KIF13A: variants seen among roughly 807,000 people sequenced by gnomAD.
KIF13A encodes kinesin-like protein KIF13A.
KIF13A carries 79 observed loss-of-function variants against 212.2 expected under a neutral mutation model. The observed-to-expected ratio is 0.37, with a 90% CI of 0.31 to 0.45. The LOEUF (loss-of-function observed/expected upper bound fraction) is 0.45, where lower values mean the gene tolerates loss of function less well. Ranked by LOEUF, KIF13A falls within the 20% of genes least tolerant of loss-of-function variation. The probability of loss-of-function intolerance (pLI) is 1.00; values close to 1 mark genes in which losing one functional copy is unlikely to be tolerated. For missense variants in KIF13A, 1,901 were observed against 2,209.0 expected (o/e 0.86, Z 2.79); for synonymous variants, 789 against 808.6 (o/e 0.98, Z 0.41).
intron 4 of KIF13A, among the ~76,000 whole-genome samples, chr6:17,868,479 G>T (rs555726582): frequency 7.9e-5 from 12 of 151,668 alleles, no homozygotes; most frequent in Non-Finnish European, 1.5e-4. Flanking sequence ...ATGTATATAT[G>T]AAGTTCGGGA....
rs147961143 is a variant in KIF13A, at chr6:17,937,701, C to T, written c.147-39521G>A. Among the ~76,000 whole-genome samples the T allele has an allele frequency of 8.6e-5, 13 of 152,000 alleles. No homozygotes were observed. The East Asian group carries it at 1.9e-3, about 23-fold the overall frequency. On this transcript the variant is annotated intron_variant, in intron 2 of 38. Coordinates refer to ENST00000259711, the MANE Select transcript of KIF13A (RefSeq NM_022113.6). ...GAATGTACAAGAACCTAGACTGGGA[C>T]CACAGGTGCAAGCCACCATGCCCAG...
rs550802647 is a variant in KIF13A at position 17,909,406 on chromosome 6, C to T, written c.147-11226G>A. On this transcript the variant is annotated intron_variant, in intron 2 of 38. Coordinates refer to ENST00000259711, the MANE Select transcript of KIF13A (RefSeq NM_022113.6). Reference sequence around the variant, plus strand: ...CAAAAATTAGCCGGGTGTGGTGGCGCGTGCCTGTAGATCCAGCTACTTGGG... The same window carrying T: ...CAAAAATTAGCCGGGTGTGGTGGCGTGTGCCTGTAGATCCAGCTACTTGGG... 1.4e-3 allele frequency among the ~76,000 whole-genome samples: 218 copies of T among 151,722 alleles called. 1 individual carries two copies. Among genetic ancestry groups the T allele is most frequent in the African/African-American group, 5.1e-3 (209 of 41,358 alleles).
At chr6:17,894,668 T>C (rs1469329769) in intron 3 of KIF13A, among the ~76,000 whole-genome samples, 1 of 152,196 alleles carries the variant, frequency 6.6e-6, no homozygotes, top group Non-Finnish European at 1.5e-5. Flanking sequence ...GAACCAATAT[T>C]GATACATTAT....
At position 17,843,377 on chromosome 6, in the gene KIF13A, G is replaced by A. The variant is rs545242983; in HGVS notation, c.831-5794C>T. Among the ~76,000 whole-genome samples, 8 of 152,236 alleles carry A rather than the reference G, an allele frequency of 5.3e-5. No individual in the cohort carries two copies. Among genetic ancestry groups the A allele is most frequent in the African/African-American group, 1.4e-4 (6 of 41,508 alleles). On this transcript the variant is annotated intron_variant, in intron 9 of 38. Transcript: ENST00000259711. This position sits in a 1 kb window ranked among gnomAD's most constrained non-coding sequence, Gnocchi z 5.3. ...TTTCCAAAGTCCTCTCTGCAGCTTC[G>A]GGTAGCCATTAAACACAGTTCTGGC...
intron 2 of KIF13A, chr6:17,950,951 T>TAA (rs1561795517): frequency 1.0e-6 from 1 of 972,192 alleles, no homozygotes; most frequent in African/African-American, 1.8e-5. Context: ...TTTTAAAACT[T>TAA]TCTTAATTTT....
rs779728332 is a variant in KIF13A, at chr6:17,764,515, T to C, written c.5013A>G (p.Glu1671=). Residue 1671 remains glutamate, a synonymous_variant, in exon 39 of 39, where the codon GAA becomes GAG. Coordinates refer to ENST00000259711, the MANE Select transcript of KIF13A (RefSeq NM_022113.6). This position sits in a 1 kb window ranked among gnomAD's most constrained non-coding sequence, Gnocchi z 5.1. ...KDKIIVVPLK[E]NSALAKGSPS... ...GGCTCCCTTTGGCTAAGGCACTGTT[T>C]TCCTTGAGTGGCACCACAATTATCT... The C allele has an allele frequency of 6.2e-7, 1 of 1,614,018 alleles. No homozygotes were observed. The highest frequency in any genetic ancestry group is 1.1e-5 in the South Asian group (1 of 91,082).
intron 38 of KIF13A, chr6:17,770,389 A>ATT (rs1759396223): frequency 1.1e-5 from 1 of 88,136 alleles, no homozygotes; most frequent in African/African-American, 3.2e-5. Flanking sequence ...TTTTTTGTAA[A>ATT]TTGAGGTATA....
In KIF13A at chr6:17,898,109, A is replaced by C; in HGVS notation, c.159+59T>G. 6.5e-7 allele frequency: 1 copy of C among 1,541,244 alleles called. No homozygotes were observed. The highest frequency in any genetic ancestry group is 8.9e-7 in the Non-Finnish European group (1 of 1,117,774). On this transcript the variant is annotated intron_variant, in intron 3 of 38. Coordinates refer to ENST00000259711, the MANE Select transcript of KIF13A (RefSeq NM_022113.6). The surrounding 1 kb of genome is among the most constrained non-coding windows in gnomAD (Gnocchi z 5.2). The stretch of plus-strand genomic sequence containing the variant: ...ATGTTCTACATGGGTTACAGTGATA[A>C]ATCCTGGATTTTTGCACACTAAGCC...
chr6:17,951,206 G>A lies in KIF13A; in HGVS notation c.146+35848C>T, dbSNP rs934783467. ...GTCTGGCTCTGTCACCCAGGCTGGC[G>A]TGCAGTGGCTCAAACAGCTCACTGG... On this transcript the variant is annotated intron_variant, in intron 2 of 38. Transcript: ENST00000259711. The surrounding 1 kb of genome is among the most constrained non-coding windows in gnomAD (Gnocchi z 4.9). 3.6e-5 allele frequency: 41 copies of A among 1,138,114 alleles called. No homozygotes were observed. In the Middle Eastern group the frequency reaches 1.3e-3, roughly 37 times the overall value. 70.5% of individuals were successfully genotyped at this position (1,138,114 alleles called of 1,614,324 possible).
Position 17,792,320 on chromosome 6 carries a change from G to A in KIF13A, c.3222+1929C>T, listed in dbSNP as rs1437579421. 5.9e-5 allele frequency among the ~76,000 whole-genome samples: 9 copies of A among 151,750 alleles called. No individual in the cohort carries two copies. In the East Asian group the frequency reaches 7.7e-4, roughly 13 times the overall value. On this transcript the variant is annotated intron_variant, in intron 25 of 38. Coordinates refer to ENST00000259711, the MANE Select transcript of KIF13A (RefSeq NM_022113.6). ...AGGTCACAGTTTGGAGCACACAGCC[G>A]ATGTTTTTATTGAACACCAGAGATT...
chr6:17,877,141 T>G (rs555271304), intron 3 of KIF13A, among the ~76,000 whole-genome samples: 3 of 74,210 alleles, frequency 4.0e-5, no homozygotes, highest in African/African-American at 1.6e-4. Context: ...CTCTCTCTCT[T>G]GCCAAAAAAA....
Position 17,914,637 on chromosome 6 carries a change from G to A in KIF13A, c.147-16457C>T, listed in dbSNP as rs1335983948. Among the ~76,000 whole-genome samples, 1 of 152,080 alleles carries A rather than the reference G, an allele frequency of 6.6e-6. No individual in the cohort carries two copies. Among genetic ancestry groups the A allele is most frequent in the Non-Finnish European group, 1.5e-5 (1 of 68,016 alleles). On this transcript the variant is annotated intron_variant, in intron 2 of 38. Transcript: ENST00000259711. The surrounding 1 kb of genome is among the most constrained non-coding windows in gnomAD (Gnocchi z 5.9). ...AACACAGAGACGACTCTAGTCACGG[G>A]TCACAGGCATCAGGTAAAGTGTGTG...
chr6:17,979,959 A>G (rs1292843684), intron 2 of KIF13A, among the ~76,000 whole-genome samples: 1 of 152,146 alleles, frequency 6.6e-6, no homozygotes, highest in African/African-American at 2.4e-5. Context: ...AGACCAGTTC[A>G]GGAAACCCCA....
intron 2 of KIF13A, among the ~76,000 whole-genome samples, chr6:17,959,227 C>G (rs1778614871): frequency 6.6e-6 from 1 of 152,104 alleles, no homozygotes; most frequent in Admixed American, 6.5e-5. Context: ...CAATGACAAG[C>G]AAAACTGACA....
chr6:17,870,428 T>G (rs548859300), intron 4 of KIF13A, among the ~76,000 whole-genome samples: 1 of 152,212 alleles, frequency 6.6e-6, no homozygotes, highest in African/African-American at 2.4e-5. Flanking sequence ...TTATCATCTG[T>G]ATGTAATGAA....
chr6:17,939,633 T>C (rs1380831389), intron 2 of KIF13A, among the ~76,000 whole-genome samples: 4 of 152,184 alleles, frequency 2.6e-5, no homozygotes, highest in Admixed American at 1.3e-4. Context: ...ACATACCTTG[T>C]TGATAAAACA....
At chr6:17,841,124 A>G (rs1766463856) in intron 9 of KIF13A, among the ~76,000 whole-genome samples, 1 of 143,136 alleles carries the variant, frequency 7.0e-6, no homozygotes, top group Non-Finnish European at 1.5e-5. Context: ...TTTGTTGCCC[A>G]GGCACTGGCA....
In KIF13A at chr6:17,950,514, A is replaced by G. The variant is rs1777755545; in HGVS notation, c.146+36540T>C. 6.1e-6 allele frequency: 6 copies of G among 985,370 alleles called. No individual in the cohort carries two copies. In the South Asian group the frequency reaches 2.8e-4, roughly 46 times the overall value. The allele number at this position is 985,370 out of a possible 1,614,324, so 61.0% of individuals were successfully genotyped here. The stretch of plus-strand genomic sequence containing the variant: ...ACTCTTTAGGACCAACAGATAGAAG[A>G]ACATGTACACAAACACACATTCCTT... On this transcript the variant is annotated intron_variant, in intron 2 of 38. Transcript: ENST00000259711.
At chr6:17,870,153 G>A (rs1377334460) in intron 4 of KIF13A, among the ~76,000 whole-genome samples, 1 of 152,144 alleles carries the variant, frequency 6.6e-6, no homozygotes, top group African/African-American at 2.4e-5. Context: ...TAAGGAGAAG[G>A]AGCATCATAG....
Sources: allele counts gnomAD v4.1 joint callset (sites outside exome capture counted in the v4.1 genomes callset), GRCh38; gene constraint gnomAD v4.1.1; non-coding constraint Gnocchi (gnomAD v3.1); transcripts MANE v1.5; gene names NCBI Gene and HGNC (gene_info 2026-07-23, HGNC 2026-07-21).